The following ALK variants were observed in gnomAD, a reference collection of about 807,000 sequenced individuals.
ALK encodes ALK tyrosine kinase receptor.
Under a neutral mutation model 163.1 loss-of-function variants are expected in ALK, and 74 were observed. The ratio of observed to expected loss-of-function variants is 0.45; its 90% CI spans 0.38 to 0.55. The LOEUF (loss-of-function observed/expected upper bound fraction) is 0.55, where lower values mean the gene tolerates loss of function less well. ALK is among the 20% of genes least tolerant of loss of function. ALK has a pLI of 0.00. For synonymous variants in ALK, 960 were observed against 843.2 expected (o/e 1.14, Z -2.40); for missense variants, 2,063 against 2,105.3 (o/e 0.98, Z 0.39).
At chr2:29,203,197 G>A (rs1487481218) in intron 26 of ALK, among the ~76,000 whole-genome samples, 2 of 152,098 alleles carry the variant, frequency 1.3e-5, no homozygotes, top group Non-Finnish European at 2.9e-5. Context: ...AATCTCACTG[G>A]TGTAAAAACA....
At chr2:29,645,523 T>C (rs922717856) in intron 3 of ALK, among the ~76,000 whole-genome samples, 5 of 152,164 alleles carry the variant, frequency 3.3e-5, no homozygotes, top group Admixed American at 3.3e-4. Flanking sequence ...TCATAAAATC[T>C]TAGAATTTTA....
chr2:29,581,361 C>G (rs571869083), intron 3 of ALK, among the ~76,000 whole-genome samples: 231 of 152,238 alleles, frequency 1.5e-3, no homozygotes, highest in Non-Finnish European at 2.6e-3. Flanking sequence ...GCACTCCAGC[C>G]TGGGCGACAG....
intron 1 of ALK, among the ~76,000 whole-genome samples, chr2:29,792,940 A>T (rs1285086479): frequency 3.9e-5 from 6 of 152,176 alleles, no homozygotes; most frequent in African/African-American, 1.4e-4. Context: ...GCAATTGCTT[A>T]AAATAAGACA....
At chr2:29,856,684 A>G (rs1022957015) in intron 1 of ALK, among the ~76,000 whole-genome samples, 10 of 152,186 alleles carry the variant, frequency 6.6e-5, no homozygotes, top group African/African-American at 2.4e-4. Context: ...TGTGCACAAA[A>G]TGACTGAAGG....
chr2:29,797,149 C>T (rs1380921930), intron 1 of ALK, among the ~76,000 whole-genome samples: 2 of 151,990 alleles, frequency 1.3e-5, no homozygotes, highest in Non-Finnish European at 2.9e-5. Flanking sequence ...CTTTAGATTG[C>T]CATCATTTTA....
At chr2:29,896,962 A>C (rs774089061) in intron 1 of ALK, among the ~76,000 whole-genome samples, 1 of 152,234 alleles carries the variant, frequency 6.6e-6, no homozygotes, top group Non-Finnish European at 1.5e-5. Context: ...TGATGTTTTG[A>C]GCAAAGCAGA....
intron 9 of ALK, among the ~76,000 whole-genome samples, chr2:29,294,656 T>C (rs1406234): frequency 0.89 from 135,526 of 152,246 alleles, 61,714 homozygotes; most frequent in Non-Finnish European, 0.99. Context: ...AATCTATTAA[T>C]ACTCTGTGTA....
chr2:29,323,750 T>C (rs1056953351), intron 6 of ALK, among the ~76,000 whole-genome samples: 2 of 152,196 alleles, frequency 1.3e-5, no homozygotes, highest in African/African-American at 4.8e-5. Flanking sequence ...CTAAGGCCAA[T>C]TGCTGAGCAA....
intron 3 of ALK, among the ~76,000 whole-genome samples, chr2:29,541,993 A>G (rs951181880): frequency 6.6e-6 from 1 of 152,138 alleles, no homozygotes; most frequent in African/African-American, 2.4e-5. Flanking sequence ...CCAAGTCCCC[A>G]TTCTTTTTGT....
chr2:29,299,076 CTTG>C (rs1485573423), intron 8 of ALK, among the ~76,000 whole-genome samples: 2 of 152,198 alleles, frequency 1.3e-5, no homozygotes, highest in Non-Finnish European at 2.9e-5. Context: ...CCGCTAGTTA[CTTG>C]TTGCTCATTC....
intron 3 of ALK, among the ~76,000 whole-genome samples, chr2:29,555,519 G>A (rs1279171839): frequency 2.0e-5 from 3 of 152,202 alleles, no homozygotes; most frequent in Admixed American, 2.0e-4. Context: ...GTCCATTTCT[G>A]TAAGTGGAAA....
intron 3 of ALK, among the ~76,000 whole-genome samples, chr2:29,566,065 C>T (rs991375948): frequency 3.3e-5 from 5 of 152,138 alleles, no homozygotes; most frequent in African/African-American, 1.2e-4. Flanking sequence ...GGTTGAGTGA[C>T]AAACTTACAG....
chr2:29,623,318 T>C (rs570595448), intron 3 of ALK, among the ~76,000 whole-genome samples: 3 of 152,290 alleles, frequency 2.0e-5, no homozygotes, highest in South Asian at 2.1e-4. Flanking sequence ...TGTCCAATAA[T>C]AGAGAAACAG....
At chr2:29,364,639 C>T (rs373751181) in intron 5 of ALK, among the ~76,000 whole-genome samples, 3 of 152,270 alleles carry the variant, frequency 2.0e-5, no homozygotes, top group South Asian at 4.1e-4. Flanking sequence ...AGAGTCAGGG[C>T]TCCAGACAGT....
intron 6 of ALK, among the ~76,000 whole-genome samples, chr2:29,323,706 C>T (rs1043302876): frequency 1.3e-4 from 20 of 152,254 alleles, no homozygotes; most frequent in Non-Finnish European, 1.8e-4. Context: ...GAACAAAGAC[C>T]CCTGTGGATT....
chr2:29,799,762 T>A (rs1018653483), intron 1 of ALK, among the ~76,000 whole-genome samples: 2 of 151,800 alleles, frequency 1.3e-5, no homozygotes, highest in Non-Finnish European at 2.9e-5. Flanking sequence ...AACAGAAAAA[T>A]ACATTAAAAA....
chr2:29,291,919 T>G (rs1666035032), intron 9 of ALK, among the ~76,000 whole-genome samples: 1 of 152,174 alleles, frequency 6.6e-6, no homozygotes, highest in African/African-American at 2.4e-5. Flanking sequence ...GCATCCCACA[T>G]AAAATGAGAA....
At chr2:29,263,548 T>C (rs1490268295) in intron 11 of ALK, among the ~76,000 whole-genome samples, 1 of 152,094 alleles carries the variant, frequency 6.6e-6, no homozygotes, top group African/African-American at 2.4e-5. Flanking sequence ...TATGAGAAGA[T>C]ATGAGATCCA....
At chr2:29,615,332 T>A (rs1296100450) in intron 3 of ALK, among the ~76,000 whole-genome samples, 1 of 152,208 alleles carries the variant, frequency 6.6e-6, no homozygotes, top group East Asian at 1.9e-4. Context: ...GTTCTTCTAG[T>A]GCAAAGCTCT....
Sources: gnomAD v4.1 joint callset for allele counts (sites outside exome capture counted in the v4.1 genomes callset) on GRCh38, gnomAD v4.1.1 for gene constraint, MANE v1.5 for transcripts, NCBI Gene and HGNC (gene_info 2026-07-23, HGNC 2026-07-21) for gene names.